The following KCTD16 variants were observed in gnomAD, a reference collection of about 807,000 sequenced individuals.
The protein encoded by KCTD16 is potassium channel tetramerization domain containing 16.
KCTD16 carries 13 observed loss-of-function variants against 33.2 expected under a neutral mutation model. The ratio of observed to expected loss-of-function variants is 0.39; its 90% CI spans 0.25 to 0.62. The LOEUF is 0.62. KCTD16 is among the 20% of genes least tolerant of loss of function. The pLI, the probability that KCTD16 is intolerant of heterozygous loss-of-function variation, is 0.50. For synonymous variants in KCTD16, 197 were observed against 195.3 expected (o/e 1.01, Z -0.07); for missense variants, 441 against 525.1 (o/e 0.84, Z 1.57).
intron 3 of KCTD16, among the ~76,000 whole-genome samples, chr5:144,301,023 A>G (rs1033459624): frequency 1.3e-5 from 2 of 152,114 alleles, no homozygotes; most frequent in African/African-American, 4.8e-5. Context: ...CAGGAGGATC[A>G]TAAGATCAAG....
At chr5:144,224,906 T>C (rs1323228343) in intron 3 of KCTD16, among the ~76,000 whole-genome samples, 1 of 152,188 alleles carries the variant, frequency 6.6e-6, no homozygotes, top group African/African-American at 2.4e-5. Flanking sequence ...ATCATACTCT[T>C]AGGGACTGCT....
intron 3 of KCTD16, among the ~76,000 whole-genome samples, chr5:144,347,564 T>C (rs1752837257): frequency 6.6e-6 from 1 of 152,084 alleles, no homozygotes; most frequent in Non-Finnish European, 1.5e-5. Flanking sequence ...CATCGCACTC[T>C]AGCCTGGGGG....
chr5:144,466,968 TATATATAATATATATA>T (rs1754346284), intron 3 of KCTD16, among the ~76,000 whole-genome samples: 1 of 132,278 alleles, frequency 7.6e-6, no homozygotes, highest in Non-Finnish European at 1.6e-5. Context: ...TTATATATAT[TATATATAATATATATA>T]ACACTATATA....
intron 3 of KCTD16, among the ~76,000 whole-genome samples, chr5:144,300,292 T>A (rs1374297079): frequency 6.6e-6 from 1 of 152,236 alleles, no homozygotes; most frequent in African/African-American, 2.4e-5. Flanking sequence ...ATATTTTGTA[T>A]CTGGCATCAC....
chr5:144,408,460 A>G (rs1328754236), intron 3 of KCTD16, among the ~76,000 whole-genome samples: 2 of 152,228 alleles, frequency 1.3e-5, no homozygotes, highest in Non-Finnish European at 2.9e-5. Flanking sequence ...TCACACAAGT[A>G]TATTTATGTA....
At chr5:144,455,494 G>A (rs753275081) in intron 3 of KCTD16, among the ~76,000 whole-genome samples, 1 of 152,184 alleles carries the variant, frequency 6.6e-6, no homozygotes, top group Non-Finnish European at 1.5e-5. Context: ...AAAGAAGAAA[G>A]TTCAATGAAG....
At chr5:144,466,255 TC>T (rs1200895107) in intron 3 of KCTD16, among the ~76,000 whole-genome samples, 4 of 149,880 alleles carry the variant, frequency 2.7e-5, no homozygotes, top group East Asian at 1.9e-4. Context: ...TTTTTTTTTT[TC>T]ATGAGCTAAT....
intron 2 of KCTD16, among the ~76,000 whole-genome samples, chr5:144,202,580 G>A (rs1230625382): frequency 6.6e-6 from 1 of 152,190 alleles, no homozygotes; most frequent in Admixed American, 6.5e-5. Flanking sequence ...CTCTCAGAAG[G>A]TGAGGGAGGC....
Position 144,468,466 on chromosome 5 carries a change from A to G in KCTD16, c.833-5194A>G, listed in dbSNP as rs185582867. On this transcript the variant is annotated intron_variant, in intron 3 of 3. Coordinates refer to ENST00000512467, the MANE Select transcript of KCTD16 (RefSeq NM_020768.4). The stretch of plus-strand genomic sequence containing the variant: ...ATAGAAGCCCCCACTGGGCCCCTCC[A>G]AGACCAACTGCTCATGAGTAAAAAC... Among the ~76,000 whole-genome samples the G allele has an allele frequency of 2.0e-5, 3 of 152,306 alleles. No homozygotes were observed. The East Asian group carries it at 5.8e-4, about 29-fold the overall frequency.
chr5:144,280,885 T>A (rs1755584464), intron 3 of KCTD16, among the ~76,000 whole-genome samples: 2 of 137,490 alleles, frequency 1.5e-5, no homozygotes, highest in Admixed American at 1.5e-4. Context: ...CCCCGGTCTC[T>A]ACTAAACAAA....
intron 3 of KCTD16, among the ~76,000 whole-genome samples, chr5:144,268,451 A>G (rs1755206716): frequency 6.6e-6 from 1 of 152,176 alleles, no homozygotes; most frequent in Non-Finnish European, 1.5e-5. Context: ...GACAGTCACA[A>G]ATAACTTTAT....
At chr5:144,310,316 T>A (rs1164470259) in intron 3 of KCTD16, among the ~76,000 whole-genome samples, 1 of 152,204 alleles carries the variant, frequency 6.6e-6, no homozygotes, top group Non-Finnish European at 1.5e-5. Context: ...GGCACTTATG[T>A]TTATTCCATA....
At chr5:144,259,784 A>T (rs764844743) in intron 3 of KCTD16, among the ~76,000 whole-genome samples, 1 of 152,256 alleles carries the variant, frequency 6.6e-6, no homozygotes, top group African/African-American at 2.4e-5. Context: ...AGATGCAAGT[A>T]GGTGACCTGT....
intron 3 of KCTD16, among the ~76,000 whole-genome samples, chr5:144,261,617 A>G (rs899831071): frequency 6.6e-6 from 1 of 152,250 alleles, no homozygotes; most frequent in African/African-American, 2.4e-5. Context: ...GGCTTATTCA[A>G]GGTCACCTGA....
chr5:144,375,057 T>A (rs554651113), intron 3 of KCTD16, among the ~76,000 whole-genome samples: 5 of 152,326 alleles, frequency 3.3e-5, no homozygotes, highest in African/African-American at 1.2e-4. Flanking sequence ...GCTAGTTAAT[T>A]CTTGGCAAAG....
intron 3 of KCTD16, among the ~76,000 whole-genome samples, chr5:144,455,817 A>G (rs1754048382): frequency 6.6e-6 from 1 of 152,166 alleles, no homozygotes; most frequent in African/African-American, 2.4e-5. Flanking sequence ...ACTGTCTGCA[A>G]ATGTCTGAGT....
chr5:144,312,695 A>G (rs1751797824), intron 3 of KCTD16, among the ~76,000 whole-genome samples: 2 of 152,194 alleles, frequency 1.3e-5, no homozygotes. Context: ...GTCTGCCACA[A>G]AGAAAAATGT....
chr5:144,233,215 A>G (rs992492917), intron 3 of KCTD16, among the ~76,000 whole-genome samples: 4 of 152,280 alleles, frequency 2.6e-5, no homozygotes, highest in Non-Finnish European at 5.9e-5. Context: ...AAATAAAAAA[A>G]GGGTCTTCCA....
At chr5:144,363,167 C>T (rs1751754134) in intron 3 of KCTD16, among the ~76,000 whole-genome samples, 1 of 152,054 alleles carries the variant, frequency 6.6e-6, no homozygotes, top group Non-Finnish European at 1.5e-5. Context: ...CACAGTGAAA[C>T]CCAATCTCTA....
Sources: gnomAD v4.1 joint callset for allele counts (sites outside exome capture counted in the v4.1 genomes callset) on GRCh38, gnomAD v4.1.1 for gene constraint, MANE v1.5 for transcripts, NCBI Gene and HGNC (gene_info 2026-07-23, HGNC 2026-07-21) for gene names.